Variants in ARHGEF38 observed in about 807,000 individuals in gnomAD.
The protein encoded by ARHGEF38 is Rho guanine nucleotide exchange factor 38.
A neutral mutation model predicts 79.9 loss-of-function variants in ARHGEF38; 79 were observed. That is an observed-to-expected ratio of 0.99 (90% CI 0.82 to 1.19). ARHGEF38 has a LOEUF of 1.19. ARHGEF38 is among the 50% of genes most tolerant of loss of function. The pLI is 0.00. For missense variants in ARHGEF38, 962 were observed against 907.2 expected (o/e 1.06, Z -0.78); for synonymous variants, 366 against 328.3 (o/e 1.11, Z -1.24).
chr4:105,596,278 A>G (rs1472650285), intron 2 of ARHGEF38, among the ~76,000 whole-genome samples: 1 of 152,118 alleles, frequency 6.6e-6, no homozygotes, highest in Non-Finnish European at 1.5e-5. Context: ...GGAGTTAGGG[A>G]GGGAAAATTC....
rs1727204923 is a variant in ARHGEF38 at position 105,589,265 on chromosome 4, G to C, written c.214G>C (p.Gly72Arg). The change falls in exon 2 of 14, where the codon GGT (glycine) becomes CGT (arginine). Residue 72 changes from glycine to arginine, a missense_variant. Gly to Arg is a moderately radical substitution (Grantham distance 125). Transcript: ENST00000420470. Reference protein sequence around the residue: ...QKLQEKMTPQGECSVAETLTP... With the variant: ...QKLQEKMTPQRECSVAETLTP... The stretch of plus-strand genomic sequence containing the variant: ...TTTAACAGAAAAGATGACTCCACAG[G>C]GTGAGTGTTCTGTAGCTGAGACCTT... 3 of 1,613,312 alleles carry C rather than the reference G, an allele frequency of 1.9e-6. No homozygotes were observed. The highest frequency in any genetic ancestry group is 2.7e-5 in the African/African-American group (2 of 74,960).
intron 1 of ARHGEF38, among the ~76,000 whole-genome samples, chr4:105,570,718 A>G (rs959154610): frequency 6.6e-6 from 1 of 152,142 alleles, no homozygotes; most frequent in African/African-American, 2.4e-5. Flanking sequence ...ACACGTAGGG[A>G]TTATGGGATC....
chr4:105,625,193 T>G (rs542810889), intron 3 of ARHGEF38, among the ~76,000 whole-genome samples: 2 of 152,314 alleles, frequency 1.3e-5, no homozygotes, highest in East Asian at 3.9e-4. Flanking sequence ...CAACTTTATA[T>G]CCTCCATAAC....
chr4:105,575,918 A>G (rs1429768324), intron 1 of ARHGEF38, among the ~76,000 whole-genome samples: 5 of 151,898 alleles, frequency 3.3e-5, no homozygotes, highest in Non-Finnish European at 7.4e-5. Context: ...CCTTTTCCCA[A>G]TTTATGTTTT....
intron 7 of ARHGEF38, among the ~76,000 whole-genome samples, chr4:105,650,734 T>C (rs1250697944): frequency 1.3e-5 from 2 of 152,212 alleles, no homozygotes; most frequent in Non-Finnish European, 2.9e-5. Context: ...TTTACCAACA[T>C]GTACATTCTT....
At chr4:105,560,762 T>A (rs1247047060) in intron 1 of ARHGEF38, among the ~76,000 whole-genome samples, 1 of 152,204 alleles carries the variant, frequency 6.6e-6, no homozygotes. Flanking sequence ...AAAGGTCATG[T>A]CATCTAGCTA....
intron 1 of ARHGEF38, among the ~76,000 whole-genome samples, chr4:105,584,757 C>T (rs1257349070): frequency 1.3e-5 from 2 of 152,172 alleles, no homozygotes; most frequent in Non-Finnish European, 2.9e-5. Flanking sequence ...GAAATTACCT[C>T]TCCTTAAATC....
At chr4:105,647,819 C>T (rs1347534050) in intron 6 of ARHGEF38, among the ~76,000 whole-genome samples, 1 of 151,822 alleles carries the variant, frequency 6.6e-6, no homozygotes, top group Non-Finnish European at 1.5e-5. Flanking sequence ...ATCTCTCAGC[C>T]AGTGAAGAGG....
intron 6 of ARHGEF38, among the ~76,000 whole-genome samples, chr4:105,647,426 G>A (rs1015379638): frequency 2.0e-5 from 3 of 151,512 alleles, no homozygotes; most frequent in Non-Finnish European, 4.4e-5. Flanking sequence ...TGTTTCCATA[G>A]CATTTTATTT....
Position 105,645,191 on chromosome 4 carries a change from C to A in ARHGEF38, c.678C>A (p.Gly226=). ...QSLKKIYMQE[G]KPNLLDMGSL... The stretch of plus-strand genomic sequence containing the variant: ...ATATTATTTATCTGTATTGTAGAGG[C>A]AAACCAAACTTATTGGACATGGGCT... Residue 226 remains glycine, a synonymous_variant, in exon 6 of 14, where the codon GGC becomes GGA. Coordinates refer to ENST00000420470, the MANE Select transcript of ARHGEF38 (RefSeq NM_001242729.2). 1 of 1,504,430 alleles carries A rather than the reference C, an allele frequency of 6.6e-7. No individual in the cohort carries two copies. The highest frequency in any genetic ancestry group is 1.3e-5 in the South Asian group (1 of 77,790). The allele number at this position is 1,504,430 out of a possible 1,614,324, so 93.2% of individuals were successfully genotyped here.
chr4:105,658,353 A>C (rs1217347545), intron 9 of ARHGEF38, among the ~76,000 whole-genome samples: 3 of 152,156 alleles, frequency 2.0e-5, no homozygotes, highest in African/African-American at 7.2e-5. Context: ...TGAGCTGAGA[A>C]AGTGCCACTG....
intron 1 of ARHGEF38, among the ~76,000 whole-genome samples, chr4:105,588,550 T>C (rs1351154458): frequency 2.0e-5 from 3 of 152,246 alleles, no homozygotes; most frequent in African/African-American, 4.8e-5. Context: ...AAACTTTTGC[T>C]ATGTGTGAGG....
chr4:105,581,092 G>C (rs1048458992), intron 1 of ARHGEF38, among the ~76,000 whole-genome samples: 1 of 152,116 alleles, frequency 6.6e-6, no homozygotes, highest in Non-Finnish European at 1.5e-5. Context: ...CCACCTGCAG[G>C]AGTAGTTGGA....
chr4:105,565,927 C>T lies in ARHGEF38; in HGVS notation c.196+12966C>T, dbSNP rs545661829. ...TGAATTTCCCTTGATCTGCTCTGTT[C>T]TTTCTATCTTCTTGGCAATTAGACT... On this transcript the variant is annotated intron_variant, in intron 1 of 13. Transcript: ENST00000420470. Among the ~76,000 whole-genome samples, 175 of 152,220 alleles carry T rather than the reference C, an allele frequency of 1.1e-3. 4 individuals carry two copies. In the South Asian group the frequency reaches 0.03, roughly 26 times the overall value.
intron 1 of ARHGEF38, among the ~76,000 whole-genome samples, chr4:105,587,873 G>A (rs768877355): frequency 2.0e-5 from 3 of 152,168 alleles, no homozygotes; most frequent in South Asian, 2.1e-4. Context: ...ATTGGTAGGC[G>A]ATAAATGGTT....
intron 1 of ARHGEF38, among the ~76,000 whole-genome samples, chr4:105,556,405 G>C (rs531616496): frequency 6.6e-6 from 1 of 152,240 alleles, no homozygotes; most frequent in African/African-American, 2.4e-5. Flanking sequence ...CATGATAGAA[G>C]TGGAGGTAGG....
At chr4:105,557,435 T>C (rs1305413540) in intron 1 of ARHGEF38, among the ~76,000 whole-genome samples, 1 of 152,062 alleles carries the variant, frequency 6.6e-6, no homozygotes, top group African/African-American at 2.4e-5. Flanking sequence ...TCACTGACAT[T>C]ATAGGTTTCC....
intron 5 of ARHGEF38, among the ~76,000 whole-genome samples, chr4:105,639,775 C>T (rs760882989): frequency 6.6e-6 from 1 of 151,844 alleles, no homozygotes; most frequent in Non-Finnish European, 1.5e-5. Context: ...ATTTTTGTAG[C>T]TTTATAATAT....
At chr4:105,604,568 C>A (rs536356623) in intron 2 of ARHGEF38, among the ~76,000 whole-genome samples, 3 of 152,042 alleles carry the variant, frequency 2.0e-5, no homozygotes, top group Admixed American at 6.6e-5. Flanking sequence ...AAGATTAGAA[C>A]TTTGTAATTG....
Sources: gnomAD v4.1 joint callset for allele counts (sites outside exome capture counted in the v4.1 genomes callset) on GRCh38, gnomAD v4.1.1 for gene constraint, MANE v1.5 for transcripts, NCBI Gene and HGNC (gene_info 2026-07-23, HGNC 2026-07-21) for gene names.